The following MMD2 variants were observed in gnomAD, a reference collection of about 807,000 sequenced individuals.
MMD2 encodes monocyte to macrophage differentiation factor 2.
A neutral mutation model predicts 33.5 loss-of-function variants in MMD2; 30 were observed. The ratio of observed to expected loss-of-function variants is 0.90; its 90% CI spans 0.67 to 1.22. The LOEUF (loss-of-function observed/expected upper bound fraction) is 1.22. Ranked by LOEUF, MMD2 falls within the 50% of genes most tolerant of loss-of-function variation. The probability of loss-of-function intolerance (pLI) is 0.00; values close to 1 mark genes in which losing one functional copy is unlikely to be tolerated. For synonymous variants in MMD2, 129 were observed against 123.0 expected (o/e 1.05, Z -0.32); for missense variants, 364 against 325.4 (o/e 1.12, Z -0.91).
downstream of MMD2, among the ~76,000 whole-genome samples, chr7:4,901,206 CA>C (rs1478889390): frequency 6.7e-6 from 1 of 150,086 alleles, no homozygotes; most frequent in East Asian, 2.0e-4. Flanking sequence ...CTTGGGAGGC[CA>C]AGGTGGGCGG....
At chr7:4,908,432 G>A (rs1007296310) in intron 6 of MMD2, among the ~76,000 whole-genome samples, 1 of 151,968 alleles carries the variant, frequency 6.6e-6, no homozygotes, top group African/African-American at 2.4e-5. Flanking sequence ...GGAAGCCACT[G>A]CGCCTGGCCT....
intron 1 of MMD2, among the ~76,000 whole-genome samples, chr7:4,942,397 G>C (rs1433351264): frequency 6.9e-6 from 1 of 145,458 alleles, no homozygotes; most frequent in African/African-American, 2.6e-5. Context: ...ACCTGGCCCT[G>C]CCTGGGAGGA....
intron 1 of MMD2, among the ~76,000 whole-genome samples, chr7:4,958,287 G>C (rs1373014471): frequency 6.6e-6 from 1 of 152,130 alleles, no homozygotes; most frequent in Non-Finnish European, 1.5e-5. Flanking sequence ...TGTAAAAGGA[G>C]AAACCCCCTC....
intron 3 of MMD2, 148 bp downstream of exon 3, chr7:4,920,023 T>A (rs1196712320): frequency 2.2e-6 from 2 of 904,650 alleles, no homozygotes; most frequent in African/African-American, 3.3e-5. Flanking sequence ...AAAGCCAGCC[T>A]CCTGCAAAGT....
intron 4 of MMD2, among the ~76,000 whole-genome samples, chr7:4,912,110 A>G (rs936124183): frequency 6.6e-6 from 1 of 151,944 alleles, no homozygotes; most frequent in Non-Finnish European, 1.5e-5. Flanking sequence ...TGTCTCAAAA[A>G]AATTAAAAAT....
At chr7:4,935,972 G>A (rs1257371376) in intron 1 of MMD2, among the ~76,000 whole-genome samples, 1 of 151,980 alleles carries the variant, frequency 6.6e-6, no homozygotes, top group African/African-American at 2.4e-5. Flanking sequence ...ATCACCTGAG[G>A]TCAGGAGTTC....
the MMD2 span, among the ~76,000 whole-genome samples, chr7:4,896,250 C>T: frequency 2.6e-5 from 4 of 152,048 alleles, no homozygotes; most frequent in Non-Finnish European, 4.4e-5. Context: ...GAGGCTGAGG[C>T]GGGTGGACTG....
intron 4 of MMD2, among the ~76,000 whole-genome samples, chr7:4,914,557 G>T (rs947950332): frequency 1.3e-4 from 20 of 152,168 alleles, no homozygotes; most frequent in Non-Finnish European, 2.6e-4. Context: ...GGTTTTGTTT[G>T]TGACAATACC....
chr7:4,894,296 C>T, the MMD2 span, among the ~76,000 whole-genome samples: 16 of 152,180 alleles, frequency 1.1e-4, no homozygotes, highest in East Asian at 1.9e-4. The surrounding 1 kb of genome is among the most constrained non-coding windows in gnomAD (Gnocchi z 4.3). Context: ...CCAGGCCACA[C>T]GCAGAAGTCA....
chr7:4,926,948 T>A (rs370471611), intron 1 of MMD2, among the ~76,000 whole-genome samples: 2 of 151,432 alleles, frequency 1.3e-5, no homozygotes, highest in Non-Finnish European at 2.9e-5. Flanking sequence ...GTTTCACTGT[T>A]TTAGCCAGGA....
rs1489168990 is a variant in MMD2 at position 4,946,037 on chromosome 7, A to ACGTACACCTCTCTGGGG, written c.47+12917_47+12933dup. The stretch of plus-strand genomic sequence containing the variant: ...CTGCTCAGAGAAGATTCCTCTGGAG[A>ACGTACACCTCTCTGGGG]CGTACACCTCTCTGGGGCAAAATGC... On this transcript the variant is annotated intron_variant, in intron 1 of 6. Transcript: ENST00000401401. The surrounding 1 kb of genome is among the most constrained non-coding windows in gnomAD (Gnocchi z 5.0). 1.2e-3 allele frequency among the ~76,000 whole-genome samples: 176 copies of ACGTACACCTCTCTGGGG among 152,260 alleles called. No individual in the cohort carries two copies. Among genetic ancestry groups the ACGTACACCTCTCTGGGG allele is most frequent in the Admixed American group, 3.0e-3 (46 of 15,268 alleles).
At position 4,907,361 on chromosome 7, in the gene MMD2, C is replaced by T. The variant is rs1260372991; in HGVS notation, c.*35G>A. 4 of 1,609,508 alleles carry T rather than the reference C, an allele frequency of 2.5e-6. No homozygotes were observed. Among genetic ancestry groups the T allele is most frequent in the Non-Finnish European group, 3.4e-6 (4 of 1,176,932 alleles). On this transcript the variant is annotated 3_prime_UTR_variant, in exon 7 of 7. Coordinates refer to ENST00000401401, the MANE Select transcript of MMD2 (RefSeq NM_198403.4). ...ACGTTCACAGAAACGTGCTCCACTC[C>T]TAAAGCCCAAACGACCTCTCAAGTC...
chr7:4,954,218 T>C (rs1331879745), intron 1 of MMD2, among the ~76,000 whole-genome samples: 1 of 152,236 alleles, frequency 6.6e-6, no homozygotes, highest in Non-Finnish European at 1.5e-5. Flanking sequence ...GTTCTTCACA[T>C]GCTCACCTGT....
At position 4,906,339 on chromosome 7, in the gene MMD2, G is replaced by A; in HGVS notation, c.*1057C>T. ...CTACTGAGCACTTCAGAGGTTGGGA[G>A]GACCTGGAACAGTCGCCCCAGATCC... On this transcript the variant is annotated 3_prime_UTR_variant, in exon 7 of 7. Coordinates refer to ENST00000401401, the MANE Select transcript of MMD2 (RefSeq NM_198403.4). 2 of 395,650 alleles carry A rather than the reference G, an allele frequency of 5.1e-6. No individual in the cohort carries two copies. Among genetic ancestry groups the A allele is most frequent in the Non-Finnish European group, 8.9e-6 (2 of 224,624 alleles). 24.5% of individuals were successfully genotyped at this position (395,650 alleles called of 1,614,324 possible).
intron 1 of MMD2, among the ~76,000 whole-genome samples, chr7:4,935,228 CT>C (rs1785705643): frequency 6.6e-6 from 1 of 151,908 alleles, no homozygotes; most frequent in African/African-American, 2.4e-5. Flanking sequence ...TGGGGCACGA[CT>C]GTAGTCCCAG....
chr7:4,923,499 C>G (rs758304899), intron 2 of MMD2, among the ~76,000 whole-genome samples: 1 of 152,212 alleles, frequency 6.6e-6, no homozygotes, highest in Non-Finnish European at 1.5e-5. Flanking sequence ...GCAACACTCA[C>G]AGCCACCCTT....
chr7:4,895,781 A>C, the MMD2 span, among the ~76,000 whole-genome samples: 1 of 151,660 alleles, frequency 6.6e-6, no homozygotes, highest in African/African-American at 2.4e-5. Flanking sequence ...TGATCTGCCC[A>C]TCTTGGCCTC....
chr7:4,907,029 A>G lies in MMD2; in HGVS notation c.*367T>C. 1 of 263,956 alleles carries G rather than the reference A, an allele frequency of 3.8e-6. No homozygotes were observed. The highest frequency in any genetic ancestry group is 5.6e-5 in the South Asian group (1 of 17,760). The allele number at this position is 263,956 out of a possible 1,614,324, so 16.4% of individuals were successfully genotyped here. ...GGCCCTGGCCACCCAGGTATAAACA[A>G]CCCACAGGACTCTTTGCCAGATTCT... On this transcript the variant is annotated 3_prime_UTR_variant, in exon 7 of 7. Coordinates refer to ENST00000401401, the MANE Select transcript of MMD2 (RefSeq NM_198403.4).
intron 6 of MMD2, 93 bp downstream of exon 6, chr7:4,909,788 G>A (rs1413960981): frequency 4.6e-6 from 7 of 1,518,780 alleles, no homozygotes; most frequent in Non-Finnish European, 6.3e-6. Flanking sequence ...CCTGCCAAAG[G>A]AGAGGGTTTG....
Sources: gnomAD v4.1 joint callset for allele counts (sites outside exome capture counted in the v4.1 genomes callset) on GRCh38, gnomAD v4.1.1 for gene constraint, Gnocchi (gnomAD v3.1) non-coding constraint, MANE v1.5 for transcripts, NCBI Gene and HGNC (gene_info 2026-07-23, HGNC 2026-07-21) for gene names.